SLC45A4: variants seen among roughly 807,000 people sequenced by gnomAD.
SLC45A4 encodes solute carrier family 45 member 4, also known as polyamine-transporter SLC45A4.
Under a neutral mutation model 63.7 loss-of-function variants are expected in SLC45A4, and 32 were observed. The observed-to-expected ratio is 0.50, with a 90% CI of 0.38 to 0.67. The LOEUF (loss-of-function observed/expected upper bound fraction) is 0.67, where lower values mean the gene tolerates loss of function less well. Among genes scored for constraint, SLC45A4 ranks in the 30% least tolerant of loss-of-function variants. The pLI, the probability that SLC45A4 is intolerant of heterozygous loss-of-function variation, is 0.00. For synonymous variants in SLC45A4, 535 were observed against 510.0 expected, an observed-to-expected ratio of 1.05 and a Z score of -0.66; for missense variants, 1,027 against 1,157.7, an observed-to-expected ratio of 0.89 and a Z score of 1.64.
At chr8:141,284,775 A>G (rs1293373968) in intron 1 of SLC45A4, among the ~76,000 whole-genome samples, 2 of 152,092 alleles carry the variant, frequency 1.3e-5, no homozygotes, top group African/African-American at 4.8e-5. Flanking sequence ...ATGAAGAAGG[A>G]CTGAAGGGCA....
chr8:141,217,838 G>C (rs1282331383), intron 5 of SLC45A4, among the ~76,000 whole-genome samples, 173 bp downstream of exon 5: 2 of 152,208 alleles, frequency 1.3e-5, no homozygotes, highest in African/African-American at 4.8e-5. Context: ...GTTCCCAGAG[G>C]CGCGCGCGGG....
Position 141,256,829 on chromosome 8 carries a change from A to G in SLC45A4, c.-400-2200T>C, listed in dbSNP as rs1247428898. ...AGTTTCCAAACTGTCACCTTACTGC[A>G]ATATTTTTTCAAAAAACTGTGTAAT... is the stretch of plus-strand genomic sequence containing the variant. On this transcript the variant is annotated intron_variant, in intron 1 of 8. Transcript: ENST00000517878. The surrounding 1 kb of genome is among the most constrained non-coding windows in gnomAD (Gnocchi z 4.3). 1 of 338,992 alleles carries G rather than the reference A, an allele frequency of 2.9e-6. No homozygotes were observed. The highest frequency in any genetic ancestry group is 5.9e-6 in the Non-Finnish European group (1 of 169,180). 21.0% of individuals were successfully genotyped at this position (338,992 alleles called of 1,614,324 possible).
intron 1 of SLC45A4, among the ~76,000 whole-genome samples, chr8:141,299,070 G>A (rs72683517): frequency 0.045 from 6,828 of 152,240 alleles, 190 homozygotes; most frequent in Middle Eastern, 0.085. Flanking sequence ...GTCTAGCAGC[G>A]TGAGTGCTGC....
intron 2 of SLC45A4, among the ~76,000 whole-genome samples, chr8:141,235,415 G>T (rs1217043719): frequency 5.3e-5 from 8 of 152,200 alleles, no homozygotes; most frequent in Admixed American, 1.3e-4. Flanking sequence ...GGCTGTCATG[G>T]TCTAGCAAGG....
intron 2 of SLC45A4, among the ~76,000 whole-genome samples, chr8:141,245,529 G>A (rs1014401224): frequency 2.8e-4 from 42 of 152,106 alleles, no homozygotes; most frequent in African/African-American, 9.9e-4. Context: ...GACCCGGGGG[G>A]CAGCCAGCAG....
intron 1 of SLC45A4, among the ~76,000 whole-genome samples, chr8:141,303,304 GTTTT>G (rs375645569): frequency 8.0e-6 from 1 of 124,686 alleles, no homozygotes; most frequent in South Asian, 2.6e-4. Context: ...GCTAATTTTT[GTTTT>G]TTTTTTTTTT....
intron 2 of SLC45A4, among the ~76,000 whole-genome samples, chr8:141,235,603 T>A (rs1477020201): frequency 1.2e-4 from 18 of 152,118 alleles, no homozygotes; most frequent in Admixed American, 1.2e-3. Context: ...TGGGGAACTG[T>A]TTCAGAGCTT....
chr8:141,260,734 T>A (rs1260090374), intron 1 of SLC45A4, among the ~76,000 whole-genome samples: 3 of 152,194 alleles, frequency 2.0e-5, no homozygotes, highest in African/African-American at 7.2e-5. Context: ...CAATAATCAA[T>A]AGCTTACCAA....
intron 2 of SLC45A4, among the ~76,000 whole-genome samples, chr8:141,237,038 T>C (rs1006422660): frequency 6.6e-6 from 1 of 152,274 alleles, no homozygotes; most frequent in East Asian, 1.9e-4. Context: ...GCAGAAATAA[T>C]TGATTTTTTT....
Position 141,229,367 on chromosome 8 carries a change from C to T in SLC45A4, c.242-7602G>A, listed in dbSNP as rs989375362. Among the ~76,000 whole-genome samples, 1 of 152,106 alleles carries T rather than the reference C, an allele frequency of 6.6e-6. No homozygotes were observed. Among genetic ancestry groups the T allele is most frequent in the Non-Finnish European group, 1.5e-5 (1 of 68,018 alleles). ...CTGGACAGCCCATGCCAGACCGCTT[C>T]CCTCTCCACACCAGACTCCAACCGC... is the stretch of plus-strand genomic sequence containing the variant. On this transcript the variant is annotated intron_variant, in intron 2 of 8. Transcript: ENST00000517878. This position sits in a 1 kb window ranked among gnomAD's most constrained non-coding sequence, Gnocchi z 5.0.
At chr8:141,257,045 G>T (rs1286310541) in intron 1 of SLC45A4, among the ~76,000 whole-genome samples, 1 of 152,060 alleles carries the variant, frequency 6.6e-6, no homozygotes, top group East Asian at 1.9e-4. Context: ...GTAGACACAG[G>T]GTTTCACCAT....
rs545738443 is a variant in SLC45A4 at position 141,255,124 on chromosome 8, G to A, written c.-400-495C>T. Among the ~76,000 whole-genome samples the A allele has an allele frequency of 2.6e-5, 4 of 152,228 alleles. No homozygotes were observed. The South Asian group carries it at 6.2e-4, about 24-fold the overall frequency. On this transcript the variant is annotated intron_variant, in intron 1 of 8. Transcript: ENST00000517878. ...TTTAATTTGTTAGTGACAAGGTCTCGCTCCGTTGCCCAGGCTGGAGTGCGG... is the reference window on the plus strand; with the variant it reads ...TTTAATTTGTTAGTGACAAGGTCTCACTCCGTTGCCCAGGCTGGAGTGCGG...
intron 2 of SLC45A4, among the ~76,000 whole-genome samples, chr8:141,247,319 A>G (rs1022023649): frequency 6.6e-6 from 1 of 152,256 alleles, no homozygotes; most frequent in African/African-American, 2.4e-5. Context: ...GCTATTTACA[A>G]TAACATGATA....
chr8:141,292,998 T>C (rs1830413987), intron 1 of SLC45A4: 1 of 152,168 alleles, frequency 6.6e-6, no homozygotes, highest in Admixed American at 6.5e-5. Flanking sequence ...AGATTACAGG[T>C]CAGTCATCGG....
intron 1 of SLC45A4, among the ~76,000 whole-genome samples, chr8:141,282,237 GC>G (rs964443401): frequency 1.2e-4 from 18 of 152,296 alleles, no homozygotes; most frequent in African/African-American, 3.6e-4. Context: ...CCAAGGGGGG[GC>G]CCTCAGCAAA....
intron 1 of SLC45A4, among the ~76,000 whole-genome samples, chr8:141,300,309 C>G (rs1253481060): frequency 6.6e-6 from 1 of 152,232 alleles, no homozygotes; most frequent in Non-Finnish European, 1.5e-5. Context: ...ACGCAAAGTT[C>G]TACTGCTCTC....
chr8:141,286,867 C>T (rs1424097053), intron 1 of SLC45A4, among the ~76,000 whole-genome samples: 10 of 152,044 alleles, frequency 6.6e-5, no homozygotes, highest in African/African-American at 1.9e-4. Context: ...AACCTTACAA[C>T]GAAGCCAACC....
At chr8:141,297,915 G>A (rs949660355) in intron 1 of SLC45A4, among the ~76,000 whole-genome samples, 1 of 145,778 alleles carries the variant, frequency 6.9e-6, no homozygotes, top group Non-Finnish European at 1.5e-5. Flanking sequence ...TTAAAGAGAA[G>A]GACATGACAC....
intron 1 of SLC45A4, among the ~76,000 whole-genome samples, chr8:141,274,089 C>T (rs1444843041): frequency 7.9e-5 from 12 of 151,948 alleles, no homozygotes; most frequent in Admixed American, 5.9e-4. Context: ...AATAGCTGGG[C>T]GTGGTGGCAG....
Sources: allele counts gnomAD v4.1 joint callset (sites outside exome capture counted in the v4.1 genomes callset), GRCh38; gene constraint gnomAD v4.1.1; non-coding constraint Gnocchi (gnomAD v3.1); transcripts MANE v1.5; gene names NCBI Gene and HGNC (gene_info 2026-07-23, HGNC 2026-07-21).